Variants in ATF7IP2 observed in about 807,000 individuals in gnomAD.
The protein encoded by ATF7IP2 is activating transcription factor 7-interacting protein 2.
In ATF7IP2, 42 loss-of-function variants were observed where a neutral mutation model predicts 64.2. That is an observed-to-expected ratio of 0.65 (90% confidence interval 0.51 to 0.85). The LOEUF is 0.85. Ranked by LOEUF, ATF7IP2 falls within the 40% of genes least tolerant of loss-of-function variation. ATF7IP2 has a pLI of 0.00. For synonymous variants in ATF7IP2, 308 were observed against 272.8 expected, an observed-to-expected ratio of 1.13 and a Z score of -1.27; for missense variants, 933 against 784.2, an observed-to-expected ratio of 1.19 and a Z score of -2.27.
rs778459671 is a variant in ATF7IP2, at chr16:10,389,681, T to C, written c.-242+3559T>C. Among the ~76,000 whole-genome samples, 29 of 152,254 alleles carry C rather than the reference T, an allele frequency of 1.9e-4. 1 individual carries two copies. The highest frequency in any genetic ancestry group is 3.5e-4 in the Non-Finnish European group (24 of 68,046). On this transcript the variant is annotated intron_variant, in intron 1 of 13. Transcript: ENST00000562102. The stretch of plus-strand genomic sequence containing the variant: ...GATTTTAAAAACAAGTTGTTAAAAT[T>C]AAAGTGATTGCCATTAGATATTCGG...
intron 8 of ATF7IP2, among the ~76,000 whole-genome samples, chr16:10,455,232 T>A (rs2049127412): frequency 6.6e-6 from 1 of 152,196 alleles, no homozygotes; most frequent in Non-Finnish European, 1.5e-5. Flanking sequence ...TGATGGGTAG[T>A]TAATCCTGGA....
chr16:10,432,137 A>G (rs147642145), intron 5 of ATF7IP2, among the ~76,000 whole-genome samples: 1 of 151,824 alleles, frequency 6.6e-6, no homozygotes, highest in East Asian at 1.9e-4. Context: ...GTGCCCAGCC[A>G]ACCCTATTTC....
intron 9 of ATF7IP2, among the ~76,000 whole-genome samples, chr16:10,470,184 C>G (rs557567820): frequency 1.3e-5 from 2 of 152,170 alleles, no homozygotes; most frequent in South Asian, 2.1e-4. Flanking sequence ...TATAGAAACA[C>G]TACATCCTAT....
chr16:10,442,277 T>C lies in ATF7IP2; in HGVS notation c.1194+1815T>C. 1.3e-5 allele frequency among the ~76,000 whole-genome samples: 2 copies of C among 152,224 alleles called. 1 individual carries two copies. The highest frequency in any genetic ancestry group is 2.9e-5 in the Non-Finnish European group (2 of 68,044). ...TTATGAAGAGAAACTTGTTTGTTCC[T>C]AACAATTTTCCCCCTCTTGAATTTA... is the stretch of plus-strand genomic sequence containing the variant. On this transcript the variant is annotated intron_variant, in intron 8 of 13. Coordinates refer to ENST00000562102, the MANE Select transcript of ATF7IP2 (RefSeq NM_001393719.1).
At position 10,430,893 on chromosome 16, in the gene ATF7IP2, C is replaced by T; in HGVS notation, c.273C>T (p.Phe91=). ...CAATATCAGAGAAAAGTAAAGTATT[C>T]TCTCAGAATTGCATAAAACCAGTAG... ...KNSISEKSKV[F]SQNCIKPVEE... The change falls in exon 5 of 14, where the codon TTC becomes TTT. Residue 91 remains phenylalanine, a synonymous_variant. Coordinates refer to ENST00000562102, the MANE Select transcript of ATF7IP2 (RefSeq NM_001393719.1). 6.2e-7 allele frequency: 1 copy of T among 1,613,866 alleles called. No individual in the cohort carries two copies. Among genetic ancestry groups the T allele is most frequent in the Non-Finnish European group, 8.5e-7 (1 of 1,179,920 alleles).
chr16:10,418,848 C>T (rs1234479777), intron 2 of ATF7IP2, among the ~76,000 whole-genome samples: 1 of 152,212 alleles, frequency 6.6e-6, no homozygotes, highest in African/African-American at 2.4e-5. Context: ...TGAGGTGCCA[C>T]TATACTGCCG....
rs551597254 is a variant in ATF7IP2 at position 10,462,802 on chromosome 16, A to G, written c.1352+5273A>G. On this transcript the variant is annotated intron_variant, in intron 9 of 13. Coordinates refer to ENST00000562102, the MANE Select transcript of ATF7IP2 (RefSeq NM_001393719.1). ...TCAGATATTGCTTCTGGAGCATTCTATGTCTTCTGTCTTACTGGTTTCTAA... is the reference window on the plus strand; with the variant it reads ...TCAGATATTGCTTCTGGAGCATTCTGTGTCTTCTGTCTTACTGGTTTCTAA... 3.9e-4 allele frequency among the ~76,000 whole-genome samples: 59 copies of G among 152,010 alleles called. No individual in the cohort carries two copies. In the South Asian group the frequency reaches 0.012, roughly 32 times the overall value.
At chr16:10,411,657 C>A (rs2141815376) in intron 1 of ATF7IP2, among the ~76,000 whole-genome samples, 1 of 152,240 alleles carries the variant, frequency 6.6e-6, no homozygotes, top group Middle Eastern at 3.4e-3. Context: ...GTGTGAGCCA[C>A]TGCGCCTGGC....
intron 6 of ATF7IP2, among the ~76,000 whole-genome samples, chr16:10,436,997 A>C (rs527588938): frequency 6.6e-6 from 1 of 151,524 alleles, no homozygotes; most frequent in African/African-American, 2.4e-5. Context: ...TGGTAACTAC[A>C]TAATTGTCCT....
chr16:10,429,550 C>A (rs1368217628), intron 4 of ATF7IP2, among the ~76,000 whole-genome samples: 1 of 151,944 alleles, frequency 6.6e-6, no homozygotes, highest in Non-Finnish European at 1.5e-5. Flanking sequence ...GCGTTTTGCC[C>A]TGTTGGCCAG....
chr16:10,406,548 T>C (rs2047644796), intron 1 of ATF7IP2, among the ~76,000 whole-genome samples: 1 of 152,214 alleles, frequency 6.6e-6, no homozygotes, highest in Non-Finnish European at 1.5e-5. Context: ...AGTTAGTTTT[T>C]TTAAATATAA....
chr16:10,389,553 A>AC (rs1392646284), intron 1 of ATF7IP2, among the ~76,000 whole-genome samples: 16 of 152,224 alleles, frequency 1.1e-4, no homozygotes, highest in Non-Finnish European at 2.2e-4. Context: ...CACCTCCAAA[A>AC]AAAATACATA....
intron 2 of ATF7IP2, among the ~76,000 whole-genome samples, chr16:10,415,753 C>A (rs1471967143): frequency 6.6e-6 from 1 of 152,180 alleles, no homozygotes; most frequent in Non-Finnish European, 1.5e-5. Flanking sequence ...TCATACGACT[C>A]TGTAGGAAAG....
Position 10,442,129 on chromosome 16 carries a change from A to G in ATF7IP2, c.1194+1667A>G, listed in dbSNP as rs145823643. Among the ~76,000 whole-genome samples, 423 of 152,344 alleles carry G rather than the reference A, an allele frequency of 2.8e-3. 4 individuals are homozygous for G. The highest frequency in any genetic ancestry group is 9.7e-3 in the African/African-American group (405 of 41,580). On this transcript the variant is annotated intron_variant, in intron 8 of 13. Transcript: ENST00000562102. ...AGAACCAGGAAGTTTGTTTGTACCT[A>G]ACAACTTAAAGTAAGGTGGTGTGGG...
chr16:10,480,800 G>A (rs998849341), intron 12 of ATF7IP2, 79 bp from the exon 13 acceptor site: 3 of 936,176 alleles, frequency 3.2e-6, no homozygotes, highest in East Asian at 2.4e-5. Flanking sequence ...TACCACCAAA[G>A]ATGTAAACTA....
chr16:10,429,895 C>G lies in ATF7IP2; in HGVS notation c.-10-716C>G, dbSNP rs545902975. On this transcript the variant is annotated intron_variant, in intron 4 of 13. Transcript: ENST00000562102. ...TTTTAGACTGTCTCACTCTGTTGCC[C>G]AAGCTGGAGTACAGTGGCGCGATGT... Among the ~76,000 whole-genome samples, 17 of 147,772 alleles carry G rather than the reference C, an allele frequency of 1.2e-4. No individual in the cohort carries two copies. In the East Asian group the frequency reaches 3.4e-3, roughly 29 times the overall value.
At chr16:10,468,535 G>C (rs1367499932) in intron 9 of ATF7IP2, among the ~76,000 whole-genome samples, 4 of 152,204 alleles carry the variant, frequency 2.6e-5, no homozygotes, top group African/African-American at 9.7e-5. Flanking sequence ...CATTTTCCAG[G>C]TCAAGAGCAG....
At chr16:10,481,109 T>A in intron 13 of ATF7IP2, 145 bp downstream of exon 13, 1 of 617,136 alleles carries the variant, frequency 1.6e-6, no homozygotes, top group Non-Finnish European at 2.9e-6. Flanking sequence ...TTTATACAAT[T>A]AAAATTATTC....
intron 9 of ATF7IP2, among the ~76,000 whole-genome samples, chr16:10,468,554 G>A (rs1224933556): frequency 1.3e-5 from 2 of 152,226 alleles, no homozygotes; most frequent in Non-Finnish European, 2.9e-5. Flanking sequence ...AGGGATGGAG[G>A]AGGGATTCCA....
Sources: gnomAD v4.1 joint callset for allele counts (sites outside exome capture counted in the v4.1 genomes callset) on GRCh38, gnomAD v4.1.1 for gene constraint, MANE v1.5 for transcripts, NCBI Gene and HGNC (gene_info 2026-07-23, HGNC 2026-07-21) for gene names.